The following PLEKHM2 variants were observed in gnomAD, a reference collection of about 807,000 sequenced individuals.
PLEKHM2 encodes pleckstrin homology and RUN domain containing M2.
Under a neutral mutation model 116.3 loss-of-function variants are expected in PLEKHM2, and 77 were observed. That is an observed-to-expected ratio of 0.66 (90% CI 0.55 to 0.80). PLEKHM2 has a LOEUF of 0.80. Among genes scored for constraint, PLEKHM2 ranks in the 30% least tolerant of loss-of-function variants. PLEKHM2 has a pLI of 0.00. For missense variants in PLEKHM2, 1,183 were observed against 1,354.9 expected, an observed-to-expected ratio of 0.87 and a Z score of 1.99; for synonymous variants, 562 against 571.0, an observed-to-expected ratio of 0.98 and a Z score of 0.22.
At position 15,695,421 on chromosome 1, in the gene PLEKHM2, G is replaced by T. The variant is rs1640974724; in HGVS notation, c.60+10803G>T. ...AAACCACATGAATCCTTAACATTTAGTTTATTCGGCACCTGTTACATGCCA... is the reference window on the plus strand; with the variant it reads ...AAACCACATGAATCCTTAACATTTATTTTATTCGGCACCTGTTACATGCCA... On this transcript the variant is annotated intron_variant, in intron 1 of 19. Coordinates refer to ENST00000375799, the MANE Select transcript of PLEKHM2 (RefSeq NM_015164.4). Among the ~76,000 whole-genome samples, 5 of 152,206 alleles carry T rather than the reference G, an allele frequency of 3.3e-5. No individual in the cohort carries two copies. The South Asian group carries it at 1.0e-3, about 31-fold the overall frequency.
At chr1:15,699,922 G>C (rs908966402) in intron 1 of PLEKHM2, among the ~76,000 whole-genome samples, 1 of 151,738 alleles carries the variant, frequency 6.6e-6, no homozygotes, top group African/African-American at 2.4e-5. Flanking sequence ...CGAGACTGTA[G>C]TGCACTATGA....
chr1:15,717,554 T>C (rs975538631), intron 3 of PLEKHM2, among the ~76,000 whole-genome samples: 1 of 152,222 alleles, frequency 6.6e-6, no homozygotes, highest in African/African-American at 2.4e-5. Context: ...AGCTGGACTC[T>C]TATGGAATCC....
Position 15,721,304 on chromosome 1 carries a change from TCA to T in PLEKHM2, c.653-24_653-23del. On this transcript the variant is annotated intron_variant, in intron 6 of 19. Transcript: ENST00000375799. This position sits in a 1 kb window ranked among gnomAD's most constrained non-coding sequence, Gnocchi z 5.1. ...CTTCCACTGCCTGTGTTTCTAATCT[TCA>T]GTTTTGTCCCTCGTTTTTGTAGATT... is the stretch of plus-strand genomic sequence containing the variant. 1.3e-6 allele frequency: 2 copies of T among 1,505,558 alleles called. No homozygotes were observed. The highest frequency in any genetic ancestry group is 1.8e-6 in the Non-Finnish European group (2 of 1,103,472). The allele number at this position is 1,505,558 out of a possible 1,614,324, so 93.3% of individuals were successfully genotyped here. A position where few individuals can be genotyped will look rare whatever the true frequency, so the allele number is the denominator to read the frequency against.
Position 15,728,566 on chromosome 1 carries a change from A to AGT in PLEKHM2, c.1922-103_1922-102insGT. On this transcript the variant is annotated intron_variant, in intron 11 of 19. Coordinates refer to ENST00000375799, the MANE Select transcript of PLEKHM2 (RefSeq NM_015164.4). The surrounding 1 kb of genome is among the most constrained non-coding windows in gnomAD (Gnocchi z 5.9). ...CCACGCCATTCTCCTACTGCAGGGCAAGGAGAGGCCCTCTAAGAGAGGGGG... is the reference window on the plus strand; with the variant it reads ...CCACGCCATTCTCCTACTGCAGGGCAGTAGGAGAGGCCCTCTAAGAGAGGGGG... 8.9e-7 allele frequency: 1 copy of AGT among 1,122,038 alleles called. No homozygotes were observed. The highest frequency in any genetic ancestry group is 1.3e-6 in the Non-Finnish European group (1 of 759,666). 69.5% of individuals were successfully genotyped at this position (1,122,038 alleles called of 1,614,324 possible). A position where few individuals can be genotyped will look rare whatever the true frequency, so the allele number is the denominator to read the frequency against.
At chr1:15,695,001 A>G (rs1310411140) in intron 1 of PLEKHM2, among the ~76,000 whole-genome samples, 1 of 151,988 alleles carries the variant, frequency 6.6e-6, no homozygotes, top group Non-Finnish European at 1.5e-5. Flanking sequence ...CAAGTGATCC[A>G]CCTGCCTTGG....
chr1:15,721,266 C>G lies in PLEKHM2; in HGVS notation c.653-63C>G. The G allele has an allele frequency of 2.3e-6, 2 of 879,216 alleles. No individual in the cohort carries two copies. The highest frequency in any genetic ancestry group is 3.7e-6 in the Non-Finnish European group (2 of 541,828). The allele number at this position is 879,216 out of a possible 1,614,324, so 54.5% of individuals were successfully genotyped here. ...TCTCCCACCCCATTTCCCCTCCCCTCCCTCCAGTCATCCTTCCACTGCCTG... is the reference window on the plus strand; with the variant it reads ...TCTCCCACCCCATTTCCCCTCCCCTGCCTCCAGTCATCCTTCCACTGCCTG... On this transcript the variant is annotated intron_variant, in intron 6 of 19. Coordinates refer to ENST00000375799, the MANE Select transcript of PLEKHM2 (RefSeq NM_015164.4). The surrounding 1 kb of genome is among the most constrained non-coding windows in gnomAD (Gnocchi z 5.1).
At chr1:15,716,628 C>A in intron 2 of PLEKHM2, 79 bp from the exon 3 acceptor site, 1 of 1,447,940 alleles carries the variant, frequency 6.9e-7, no homozygotes, top group Non-Finnish European at 9.5e-7. Context: ...CTGCCTTGCG[C>A]TCACTGCTGG....
At chr1:15,692,778 TACTC>T (rs1640913994) in intron 1 of PLEKHM2, among the ~76,000 whole-genome samples, 1 of 152,084 alleles carries the variant, frequency 6.6e-6, no homozygotes, top group Non-Finnish European at 1.5e-5. Context: ...TTGCTCTTGT[TACTC>T]AGGCTGGAGC....
chr1:15,685,397 AAAT>A (rs59714375), intron 1 of PLEKHM2, among the ~76,000 whole-genome samples: 10 of 152,056 alleles, frequency 6.6e-5, no homozygotes, highest in Non-Finnish European at 1.2e-4. Context: ...CTGGATATAA[AAAT>A]AATAATAATA....
At chr1:15,700,009 A>C (rs1641078270) in intron 1 of PLEKHM2, among the ~76,000 whole-genome samples, 1 of 151,938 alleles carries the variant, frequency 6.6e-6, no homozygotes, top group Non-Finnish European at 1.5e-5. Context: ...AAAACAACAA[A>C]AATAAAATTA....
intron 15 of PLEKHM2, 35 bp downstream of exon 15, chr1:15,730,757 G>A (rs1220339976): frequency 1.1e-5 from 17 of 1,540,882 alleles, no homozygotes; most frequent in Non-Finnish European, 1.5e-5. Flanking sequence ...CTGGGGCTTG[G>A]GCCCTGGGGT....
At chr1:15,683,837 G>A (rs954292262), upstream of PLEKHM2, among the ~76,000 whole-genome samples, 2 of 149,818 alleles carry the variant, frequency 1.3e-5, no homozygotes, top group African/African-American at 4.9e-5. Context: ...CCGGTGTCCC[G>A]GGCAGGCGGG....
chr1:15,709,559 A>G (rs762553176), intron 1 of PLEKHM2, among the ~76,000 whole-genome samples: 1 of 152,228 alleles, frequency 6.6e-6, no homozygotes, highest in Non-Finnish European at 1.5e-5. Flanking sequence ...CAGATGAGAA[A>G]AAATGAGGGT....
chr1:15,685,927 TGTTGAGAAGCA>T, intron 1 of PLEKHM2, among the ~76,000 whole-genome samples: 1 of 152,198 alleles, frequency 6.6e-6, no homozygotes, highest in Non-Finnish European at 1.5e-5. Flanking sequence ...GCAAATACTT[TGTTGAGAAGCA>T]GTACATCTTT....
chr1:15,728,209 C>A lies in PLEKHM2; in HGVS notation c.1831-58C>A. The A allele has an allele frequency of 6.2e-7, 1 of 1,603,010 alleles. No homozygotes were observed. The highest frequency in any genetic ancestry group is 8.5e-7 in the Non-Finnish European group (1 of 1,171,174). ...GCAAGGGCAAGGCGGGATGGGCCACCGCCCCCGCTGGAGCGGCAGGAGCCA... is the reference window on the plus strand; with the variant it reads ...GCAAGGGCAAGGCGGGATGGGCCACAGCCCCCGCTGGAGCGGCAGGAGCCA... On this transcript the variant is annotated intron_variant, in intron 10 of 19. Coordinates refer to ENST00000375799, the MANE Select transcript of PLEKHM2 (RefSeq NM_015164.4). The surrounding 1 kb of genome is among the most constrained non-coding windows in gnomAD (Gnocchi z 5.9).
chr1:15,728,126 A>T lies in PLEKHM2; in HGVS notation c.1808A>T (p.Glu603Val). The T allele has an allele frequency of 6.2e-7, 1 of 1,611,514 alleles. No homozygotes were observed. The highest frequency in any genetic ancestry group is 8.5e-7 in the Non-Finnish European group (1 of 1,178,808). Residue 603 changes from glutamate to valine, a missense_variant, in exon 10 of 20, where the codon GAA (glutamate) becomes GTA (valine). Physicochemically the swap from Glu to Val is moderately radical, Grantham distance 121. Transcript: ENST00000375799. The surrounding 1 kb of genome is among the most constrained non-coding windows in gnomAD (Gnocchi z 5.9). ...CTGCTCATGATCCACGTGTTCCGAG[A>T]AAACGAAGAGCAGCTGTTCAAAGTA... is the stretch of plus-strand genomic sequence containing the variant. ...LLLLMIHVFR[E>V]NEEQLFKMIR...
Position 15,732,237 on chromosome 1 carries a change from A to G in PLEKHM2, c.2626-113A>G, listed in dbSNP as rs529583532. 5 of 1,028,652 alleles carry G rather than the reference A, an allele frequency of 4.9e-6. No individual in the cohort carries two copies. In the South Asian group the frequency reaches 8.0e-5, roughly 16 times the overall value. The allele number at this position is 1,028,652 out of a possible 1,614,324, so 63.7% of individuals were successfully genotyped here. A position where few individuals can be genotyped will look rare whatever the true frequency, so the allele number is the denominator to read the frequency against. ...CCCCGCCTCTGCTCCCGATCCCTGGAGGGAGATCCCTGGAGGGAGAGCAGA... is the reference window on the plus strand; with the variant it reads ...CCCCGCCTCTGCTCCCGATCCCTGGGGGGAGATCCCTGGAGGGAGAGCAGA... On this transcript the variant is annotated intron_variant, in intron 17 of 19. Transcript: ENST00000375799.
chr1:15,691,836 T>C (rs906400402), intron 1 of PLEKHM2, among the ~76,000 whole-genome samples: 1 of 151,994 alleles, frequency 6.6e-6, no homozygotes, highest in Non-Finnish European at 1.5e-5. Flanking sequence ...GCAGTGGGCA[T>C]AGTGGCTCAC....
intron 3 of PLEKHM2, 83 bp from the exon 4 acceptor site, chr1:15,717,810 C>G: frequency 1.1e-6 from 1 of 879,742 alleles, no homozygotes; most frequent in Non-Finnish European, 1.8e-6. Flanking sequence ...CCTGCTCTTT[C>G]TTTCCTTTCT....
Sources: gnomAD v4.1 joint callset for allele counts (sites outside exome capture counted in the v4.1 genomes callset) on GRCh38, gnomAD v4.1.1 for gene constraint, Gnocchi (gnomAD v3.1) non-coding constraint, MANE v1.5 for transcripts, NCBI Gene and HGNC (gene_info 2026-07-23, HGNC 2026-07-21) for gene names.